Variants in IFT43 observed in about 807,000 individuals in gnomAD.
IFT43 encodes intraflagellar transport 43, also known as intraflagellar transport protein 43 homolog.
IFT43 carries 33 observed loss-of-function variants against 32.3 expected under a neutral mutation model. That is an observed-to-expected ratio of 1.02 (90% confidence interval 0.77 to 1.37). The LOEUF is 1.37. IFT43 is among the 40% of genes most tolerant of loss of function. The pLI is 0.00. For missense variants in IFT43, 274 were observed against 265.9 expected (o/e 1.03, Z -0.21); for synonymous variants, 93 against 98.2 (o/e 0.95, Z 0.31).
intron 5 of IFT43, among the ~76,000 whole-genome samples, chr14:76,065,065 A>G (rs1405273158): frequency 2.6e-5 from 4 of 152,242 alleles, no homozygotes; most frequent in Non-Finnish European, 4.4e-5. Context: ...TCATCACTTT[A>G]GGATCAAATT....
chr14:76,058,734 G>T, intron 4 of IFT43, 60 bp downstream of exon 4: 2 of 1,608,404 alleles, frequency 1.2e-6, no homozygotes, highest in East Asian at 2.2e-5. Context: ...CAACAGTGCA[G>T]TCTTGGTGGT....
chr14:76,068,822 G>C (rs936308956), intron 5 of IFT43, among the ~76,000 whole-genome samples: 1 of 152,190 alleles, frequency 6.6e-6, no homozygotes, highest in Non-Finnish European at 1.5e-5. Flanking sequence ...ACAACCCCTT[G>C]ATGAATATTG....
At chr14:76,043,818 A>G (rs67224360) in intron 3 of IFT43, among the ~76,000 whole-genome samples, 20,000 of 152,124 alleles carry the variant, frequency 0.13, 1,401 homozygotes, top group African/African-American at 0.17. Flanking sequence ...AGTTAACATC[A>G]GATCTCACAG....
At chr14:76,043,560 G>T (rs950885181) in intron 3 of IFT43, among the ~76,000 whole-genome samples, 1 of 152,136 alleles carries the variant, frequency 6.6e-6, no homozygotes, top group South Asian at 2.1e-4. Context: ...ACTGCCTCCC[G>T]CACTTCTGAA....
intron 5 of IFT43, among the ~76,000 whole-genome samples, chr14:76,079,043 T>C (rs1264513980): frequency 6.6e-6 from 1 of 152,216 alleles, no homozygotes; most frequent in Non-Finnish European, 1.5e-5. Context: ...ACATTAAGTT[T>C]CACAGGACAT....
At chr14:76,048,691 A>C (rs143017175) in intron 3 of IFT43, among the ~76,000 whole-genome samples, 1 of 152,132 alleles carries the variant, frequency 6.6e-6, no homozygotes, top group Non-Finnish European at 1.5e-5. Flanking sequence ...CTTTTGACCC[A>C]TGCTGCCCCC....
chr14:76,058,283 A>ATT (rs2037063076), intron 3 of IFT43: 1 of 290,980 alleles, frequency 3.4e-6, no homozygotes, highest in Non-Finnish European at 6.6e-6. Flanking sequence ...AACACCAAAT[A>ATT]AGACCCAGGG....
chr14:76,035,931 A>G (rs2036589750), intron 3 of IFT43, among the ~76,000 whole-genome samples: 1 of 152,258 alleles, frequency 6.6e-6, no homozygotes, highest in African/African-American at 2.4e-5. Context: ...CTTGAAAAAG[A>G]CAGGGAAGTA....
At chr14:76,074,330 A>G (rs2037375043) in intron 5 of IFT43, among the ~76,000 whole-genome samples, 1 of 152,028 alleles carries the variant, frequency 6.6e-6, no homozygotes, top group Non-Finnish European at 1.5e-5. Context: ...AAAGTCCTTT[A>G]CCCCTCCTTG....
At chr14:76,030,388 G>A (rs1222962143) in intron 3 of IFT43, among the ~76,000 whole-genome samples, 1 of 152,078 alleles carries the variant, frequency 6.6e-6, no homozygotes, top group Admixed American at 6.6e-5. Context: ...GAATAAATTT[G>A]TATTTTCCAT....
rs557523308 is a variant in IFT43, at chr14:76,080,167, G to A, written c.296-2128G>A. On this transcript the variant is annotated intron_variant, in intron 5 of 8. Coordinates refer to ENST00000314067, the MANE Select transcript of IFT43 (RefSeq NM_001102564.3). Reference sequence around the variant, plus strand: ...TCACTGCACAAGAATGTTCCAGCTTGCCTTGGCCTGGCTGTCATCGCTGGC... The same window carrying A: ...TCACTGCACAAGAATGTTCCAGCTTACCTTGGCCTGGCTGTCATCGCTGGC... Among the ~76,000 whole-genome samples the A allele has an allele frequency of 4.6e-5, 7 of 152,342 alleles. No individual in the cohort carries two copies. In the South Asian group the frequency reaches 1.4e-3, roughly 32 times the overall value.
chr14:76,080,896 A>G (rs1441325668), intron 5 of IFT43, among the ~76,000 whole-genome samples: 2 of 152,194 alleles, frequency 1.3e-5, no homozygotes, highest in East Asian at 3.8e-4. Flanking sequence ...GACTTGCTAA[A>G]TGTGGTTCAT....
chr14:76,061,208 A>C (rs529465854), intron 5 of IFT43, among the ~76,000 whole-genome samples: 1 of 152,278 alleles, frequency 6.6e-6, no homozygotes, highest in African/African-American at 2.4e-5. Context: ...GAAGACGATC[A>C]TTATTCTTAT....
At chr14:76,015,169 A>G (rs2036161834) in intron 2 of IFT43, among the ~76,000 whole-genome samples, 1 of 152,216 alleles carries the variant, frequency 6.6e-6, no homozygotes. Flanking sequence ...CGTCTCATCC[A>G]GACAGGGTAT....
intron 2 of IFT43, 63 bp from the exon 3 acceptor site, chr14:76,022,264 T>C: frequency 6.9e-7 from 1 of 1,447,736 alleles, no homozygotes; most frequent in Non-Finnish European, 9.7e-7. Context: ...AAATAGAAAA[T>C]AAAAAATAAA....
chr14:76,057,960 T>TA (rs200738753), intron 3 of IFT43, among the ~76,000 whole-genome samples: 1,917 of 152,236 alleles, frequency 0.013, 51 homozygotes, highest in African/African-American at 0.044. Flanking sequence ...GATTAGAATT[T>TA]AAAAATGCAT....
intron 5 of IFT43, among the ~76,000 whole-genome samples, chr14:76,066,851 G>A (rs2037232329): frequency 6.6e-6 from 1 of 152,080 alleles, no homozygotes; most frequent in African/African-American, 2.4e-5. Flanking sequence ...TAGAAATGAG[G>A]ATCTAAGGTC....
rs72627171 is a variant in IFT43, at chr14:76,063,602, C to T, written c.295+4229C>T. Among the ~76,000 whole-genome samples the T allele has an allele frequency of 9.5e-3, 1,448 of 152,298 alleles. 173 individuals carry two copies. The East Asian group carries it at 0.25, about 26-fold the overall frequency. On this transcript the variant is annotated intron_variant, in intron 5 of 8. Coordinates refer to ENST00000314067, the MANE Select transcript of IFT43 (RefSeq NM_001102564.3). ...ATCAAAGTCTTAGGCTGCTTATTATCCAGTGTCTGGAAACAGTAGTACCAT... is the reference window on the plus strand; with the variant it reads ...ATCAAAGTCTTAGGCTGCTTATTATTCAGTGTCTGGAAACAGTAGTACCAT...
chr14:76,010,228 G>A (rs1040009761), intron 2 of IFT43, among the ~76,000 whole-genome samples: 3 of 152,200 alleles, frequency 2.0e-5, no homozygotes, highest in Non-Finnish European at 2.9e-5. Context: ...CTGTAGTCAT[G>A]ACAGGGATCT....
Sources: allele counts gnomAD v4.1 joint callset (sites outside exome capture counted in the v4.1 genomes callset), GRCh38; gene constraint gnomAD v4.1.1; transcripts MANE v1.5; gene names NCBI Gene and HGNC (gene_info 2026-07-23, HGNC 2026-07-21).